The following CNOT6L variants were observed in gnomAD, a reference collection of about 807,000 sequenced individuals.
CNOT6L encodes the protein CCR4-NOT transcription complex subunit 6 like, also known as CCR4-NOT transcription complex subunit 6-like.
CNOT6L carries 7 observed loss-of-function variants against 64.0 expected under a neutral mutation model. The observed-to-expected ratio is 0.11, with a 90% CI of 0.06 to 0.21. The LOEUF is 0.21. Among genes scored for constraint, CNOT6L ranks in the 10% least tolerant of loss-of-function variants. The pLI is 1.00. For missense variants in CNOT6L, 245 were observed against 669.0 expected, an observed-to-expected ratio of 0.37 and a Z score of 6.99; for synonymous variants, 193 against 243.4, an observed-to-expected ratio of 0.79 and a Z score of 1.93.
chr4:77,801,230 T>C (rs779112680), intron 1 of CNOT6L, among the ~76,000 whole-genome samples: 20 of 152,294 alleles, frequency 1.3e-4, no homozygotes, highest in Admixed American at 5.9e-4. Flanking sequence ...AGGAAGAGTA[T>C]TGTTCATTTC....
chr4:77,819,451 A>C (rs1336945244), upstream of CNOT6L: 7 of 1,508,224 alleles, frequency 4.6e-6, no homozygotes, highest in East Asian at 5.0e-5. Flanking sequence ...ACGCAAACAC[A>C]AACACCCACG....
chr4:77,811,989 T>C (rs74699222), intron 1 of CNOT6L, among the ~76,000 whole-genome samples: 4 of 152,182 alleles, frequency 2.6e-5, no homozygotes, highest in Non-Finnish European at 5.9e-5. Flanking sequence ...GTGACTTCTC[T>C]TGACATTTCT....
chr4:77,807,293 A>AAAAAAT (rs1553899159), intron 1 of CNOT6L, among the ~76,000 whole-genome samples: 41 of 150,988 alleles, frequency 2.7e-4, no homozygotes, highest in African/African-American at 9.8e-4. Flanking sequence ...AAAAAAAAAA[A>AAAAAAT]TCCTACAATC....
chr4:77,799,989 A>G (rs1351431269), intron 1 of CNOT6L, among the ~76,000 whole-genome samples: 1 of 152,116 alleles, frequency 6.6e-6, no homozygotes, highest in Non-Finnish European at 1.5e-5. Flanking sequence ...CCAAGAATTG[A>G]GTATTTTTTC....
chr4:77,740,269 G>A (rs1333476105), intron 8 of CNOT6L, among the ~76,000 whole-genome samples: 1 of 151,946 alleles, frequency 6.6e-6, no homozygotes, highest in African/African-American at 2.4e-5. Context: ...TACTCAGGGT[G>A]CTGAGGTGAC....
At chr4:77,793,913 A>G (rs895783785) in intron 1 of CNOT6L, among the ~76,000 whole-genome samples, 1 of 151,942 alleles carries the variant, frequency 6.6e-6, no homozygotes, top group African/African-American at 2.4e-5. Flanking sequence ...CACTATGGGA[A>G]GCTGCGGCGG....
intron 1 of CNOT6L, among the ~76,000 whole-genome samples, chr4:77,805,990 C>A (rs372229307): frequency 2.6e-5 from 4 of 152,208 alleles, no homozygotes; most frequent in Non-Finnish European, 5.9e-5. Context: ...CTGCCTCTTC[C>A]GTTTTTCTCA....
rs1296218476 is a variant in CNOT6L at position 77,719,669 on chromosome 4, AG to A, written c.*761del. ...CTATTTTCAAGGTATGTGGCAATACAGATTACTTACTTTTTCTCTATAAATA... is the reference window on the plus strand; with the variant it reads ...CTATTTTCAAGGTATGTGGCAATACAATTACTTACTTTTTCTCTATAAATA... On this transcript the variant is annotated 3_prime_UTR_variant, in exon 12 of 12. Transcript: ENST00000504123. The A allele has an allele frequency of 1.3e-5, 2 of 152,626 alleles. No individual in the cohort carries two copies. The highest frequency in any genetic ancestry group is 2.9e-5 in the Non-Finnish European group (2 of 68,034). 9.5% of individuals were successfully genotyped at this position (152,626 alleles called of 1,614,324 possible).
chr4:77,763,902 A>AAATTAAAAATTTTAG (rs1726514989), intron 4 of CNOT6L, among the ~76,000 whole-genome samples: 1 of 152,252 alleles, frequency 6.6e-6, no homozygotes, highest in South Asian at 2.1e-4. Flanking sequence ...AAGATATAAT[A>AAATTAAAAATTTTAG]ACCCATATTA....
chr4:77,731,699 TAA>T (rs1272557862), intron 8 of CNOT6L, 161 bp from the exon 9 acceptor site: 3 of 515,454 alleles, frequency 5.8e-6, no homozygotes, highest in Non-Finnish European at 9.8e-6. Flanking sequence ...CTGATTATTG[TAA>T]AAAGTTTCTC....
In CNOT6L at chr4:77,740,126, G is replaced by A. The variant is rs1433220188; in HGVS notation, c.872+2015C>T. On this transcript the variant is annotated intron_variant, in intron 8 of 11. Coordinates refer to ENST00000504123, the MANE Select transcript of CNOT6L (RefSeq NM_144571.3). ...GGCTTACGTCTGTAATCCCAGCACTGTGGGAGGCTGAGGCGGGTGGATTGC... is the reference window on the plus strand; with the variant it reads ...GGCTTACGTCTGTAATCCCAGCACTATGGGAGGCTGAGGCGGGTGGATTGC... Among the ~76,000 whole-genome samples the A allele has an allele frequency of 2.0e-5, 3 of 152,096 alleles. No homozygotes were observed. The East Asian group carries it at 5.8e-4, about 29-fold the overall frequency.
intron 1 of CNOT6L, among the ~76,000 whole-genome samples, chr4:77,795,613 G>A (rs1730741628): frequency 6.6e-6 from 1 of 152,122 alleles, no homozygotes; most frequent in Non-Finnish European, 1.5e-5. Context: ...CTGGCCTTGT[G>A]AGGATGTGCC....
At chr4:77,781,181 G>T (rs898976819) in intron 1 of CNOT6L, among the ~76,000 whole-genome samples, 1 of 152,028 alleles carries the variant, frequency 6.6e-6, no homozygotes, top group Non-Finnish European at 1.5e-5. Flanking sequence ...GGCCTGTCAG[G>T]GGGTAGGGGG....
At chr4:77,778,844 A>G (rs1186405302) in intron 1 of CNOT6L, among the ~76,000 whole-genome samples, 1 of 151,382 alleles carries the variant, frequency 6.6e-6, no homozygotes, top group Non-Finnish European at 1.5e-5. Context: ...GGAGATCGAG[A>G]CCATCCTGGC....
In CNOT6L at chr4:77,792,865, G is replaced by A. The variant is rs540543361; in HGVS notation, c.6-16473C>T. Among the ~76,000 whole-genome samples the A allele has an allele frequency of 4.9e-4, 74 of 151,424 alleles. No homozygotes were observed. The South Asian group carries it at 0.011, about 22-fold the overall frequency. ...AGTCCCCTCTAAAAAAGTGACTCTC[G>A]ACCAGATGTGATTCTGCCCCTCAGG... On this transcript the variant is annotated intron_variant, in intron 1 of 11. Transcript: ENST00000504123.
chr4:77,812,652 A>G (rs1733090699), intron 1 of CNOT6L, among the ~76,000 whole-genome samples: 1 of 152,100 alleles, frequency 6.6e-6, no homozygotes, highest in African/African-American at 2.4e-5. Context: ...TCTGAAAACT[A>G]TGAAACACTG....
At chr4:77,800,833 G>C (rs1731449917) in intron 1 of CNOT6L, among the ~76,000 whole-genome samples, 15 of 152,196 alleles carry the variant, frequency 9.9e-5, no homozygotes, top group Admixed American at 9.8e-4. Context: ...CCATCCAGGA[G>C]AGGGTTCCAA....
At chr4:77,721,210 C>T (rs368988466) in intron 11 of CNOT6L, among the ~76,000 whole-genome samples, 1 of 152,154 alleles carries the variant, frequency 6.6e-6, no homozygotes, top group Non-Finnish European at 1.5e-5. Flanking sequence ...ATTTAAAATA[C>T]TCATTTTCAC....
intron 4 of CNOT6L, among the ~76,000 whole-genome samples, chr4:77,770,606 T>C (rs1030779483): frequency 2.1e-4 from 10 of 48,524 alleles, no homozygotes; most frequent in Non-Finnish European, 4.2e-4. Context: ...GGGCTACATA[T>C]AGGTACTTAC....
Sources: gnomAD v4.1 joint callset for allele counts (sites outside exome capture counted in the v4.1 genomes callset) on GRCh38, gnomAD v4.1.1 for gene constraint, MANE v1.5 for transcripts, NCBI Gene and HGNC (gene_info 2026-07-23, HGNC 2026-07-21) for gene names.